Variants in MASP2 observed in about 807,000 individuals in gnomAD.
MASP2 encodes the protein mannan-binding lectin serine protease 2.
MASP2 carries 49 observed loss-of-function variants against 57.1 expected under a neutral mutation model. The ratio of observed to expected loss-of-function variants is 0.86; its 90% CI spans 0.68 to 1.09. The LOEUF (loss-of-function observed/expected upper bound fraction) is 1.09, where lower values mean the gene tolerates loss of function less well. Among genes scored for constraint, MASP2 ranks in the 50% least tolerant of loss-of-function variants. MASP2 has a pLI of 0.00. For synonymous variants in MASP2, 379 were observed against 340.8 expected (o/e 1.11, Z -1.24); for missense variants, 900 against 874.8 (o/e 1.03, Z -0.36).
intron 8 of MASP2, among the ~76,000 whole-genome samples, chr1:11,032,948 C>T (rs1643864546): frequency 6.6e-6 from 1 of 152,124 alleles, no homozygotes; most frequent in Non-Finnish European, 1.5e-5. Flanking sequence ...ATTATACTTG[C>T]ATATGGTGGT....
At chr1:11,039,825 T>A (rs1017769502) in intron 6 of MASP2, among the ~76,000 whole-genome samples, 6 of 144,946 alleles carry the variant, frequency 4.1e-5, no homozygotes, top group Non-Finnish European at 7.5e-5. Flanking sequence ...GAAGGATGGG[T>A]GGATGCAAGG....
chr1:11,045,335 G>C (rs764941508), intron 4 of MASP2, 73 bp downstream of exon 4: 9 of 1,604,748 alleles, frequency 5.6e-6, no homozygotes, highest in Non-Finnish European at 7.6e-6. Flanking sequence ...CCCCTGGGCA[G>C]AGCAGCAATG....
chr1:11,030,587 T>G, intron 9 of MASP2, 161 bp downstream of exon 9: 2 of 774,712 alleles, frequency 2.6e-6, no homozygotes, highest in Non-Finnish European at 3.9e-6. Flanking sequence ...AAATTGACAT[T>G]AAAGTCACTT....
At chr1:11,035,890 T>C (rs900245048) in intron 7 of MASP2, among the ~76,000 whole-genome samples, 5 of 62,644 alleles carry the variant, frequency 8.0e-5, no homozygotes, top group African/African-American at 3.8e-4. Flanking sequence ...AGTGAGACCC[T>C]GTCCAAAAAA....
chr1:11,043,525 G>A lies in MASP2; in HGVS notation c.555C>T (p.Ser185=), dbSNP rs78775425. The change falls in exon 5 of 11, where the codon TCC becomes TCT. Residue 185 remains serine (S), a synonymous_variant. Coordinates refer to ENST00000400897, the MANE Select transcript of MASP2 (RefSeq NM_006610.4). The part of the protein sequence containing the change: ...RNKRTCSALC[S]GQVFTQRSGE... Reference sequence around the variant, plus strand: ...CAGACCTCTGGGTGAAGACCTGGCCGGAGCACAGGGCTGGAAGGAGGGAAG... The same window carrying A: ...CAGACCTCTGGGTGAAGACCTGGCCAGAGCACAGGGCTGGAAGGAGGGAAG... The A allele has an allele frequency of 4.4e-3, 6,983 of 1,598,482 alleles. 259 individuals carry two copies. The African/African-American group carries it at 0.081, about 18-fold the overall frequency.
Position 11,034,715 on chromosome 1 carries a change from G to A in MASP2, c.1087+113C>T, listed in dbSNP as rs76678256. 2.3e-3 allele frequency: 1,395 copies of A among 605,550 alleles called. 19 individuals carry two copies. In the African/African-American group the frequency reaches 0.026, roughly 11 times the overall value. The allele number at this position is 605,550 out of a possible 1,614,324, so 37.5% of individuals were successfully genotyped here. On this transcript the variant is annotated intron_variant, in intron 8 of 10. Transcript: ENST00000400897. ...CCCTGTCTCAGAAAAAAAAAAAAAAGGGAAAGAAAAAAGAAAGTAAACAGA... is the reference window on the plus strand; with the variant it reads ...CCCTGTCTCAGAAAAAAAAAAAAAAAGGAAAGAAAAAAGAAAGTAAACAGA...
intron 3 of MASP2, 101 bp downstream of exon 3, chr1:11,046,455 A>G: frequency 1.5e-6 from 2 of 1,364,584 alleles, no homozygotes; most frequent in South Asian, 2.4e-5. Flanking sequence ...CTGCCCTGGG[A>G]AAGGTGGGGA....
At chr1:11,031,508 G>A in intron 8 of MASP2, among the ~76,000 whole-genome samples, 1 of 111,148 alleles carries the variant, frequency 9.0e-6, no homozygotes, top group Non-Finnish European at 1.7e-5. Context: ...CAGCCTGGGT[G>A]ACAGAGCAAG....
chr1:11,030,155 T>C (rs753720523), intron 10 of MASP2, 21 bp downstream of exon 10: 4 of 1,578,654 alleles, frequency 2.5e-6, no homozygotes, highest in Non-Finnish European at 3.5e-6. Context: ...TACCAGTCTC[T>C]TGTATAAATG....
intron 10 of MASP2, 128 bp from the exon 11 acceptor site, chr1:11,027,776 A>AC: frequency 2.2e-5 from 20 of 917,992 alleles, no homozygotes; most frequent in Admixed American, 2.9e-5. Flanking sequence ...TTGGTGGGTG[A>AC]CTACCTATAC....
chr1:11,042,109 A>G (rs954638800), intron 6 of MASP2, among the ~76,000 whole-genome samples: 1 of 146,520 alleles, frequency 6.8e-6, no homozygotes, highest in African/African-American at 2.5e-5. Flanking sequence ...GTGGGTGGCT[A>G]TATGGATAGC....
chr1:11,033,127 G>A (rs1314785556), intron 8 of MASP2, among the ~76,000 whole-genome samples: 2 of 150,756 alleles, frequency 1.3e-5, no homozygotes, highest in Admixed American at 6.6e-5. Flanking sequence ...GCGGGAGTTC[G>A]AGACCAGCCT....
In MASP2 at chr1:11,027,071, G is replaced by A. The variant is rs749013108; in HGVS notation, c.1875C>T (p.Gly625=). Residue 625 remains glycine (G), a synonymous_variant, in exon 11 of 11, where the codon GGC becomes GGT. Coordinates refer to ENST00000400897, the MANE Select transcript of MASP2 (RefSeq NM_006610.4). The part of the protein sequence containing the change: ...NMLCAGLESG[G]KDSCRGDSGG... ...CGCTGTCACCTCTGCAGCTGTCCTT[G>A]CCCCCACTTTCTAAGCCAGCACAAA... The A allele has an allele frequency of 5.6e-6, 9 of 1,593,982 alleles. No individual in the cohort carries two copies. The South Asian group carries it at 8.0e-5, about 14-fold the overall frequency.
At chr1:11,040,389 T>A (rs200915639) in intron 6 of MASP2, among the ~76,000 whole-genome samples, 1 of 151,402 alleles carries the variant, frequency 6.6e-6, no homozygotes, top group South Asian at 2.1e-4. Flanking sequence ...GACTTGCTTG[T>A]TCCAGGAGGC....
chr1:11,035,046 C>A, intron 7 of MASP2, 140 bp from the exon 8 acceptor site: 1 of 583,340 alleles, frequency 1.7e-6, no homozygotes. Context: ...TGACTAGTAT[C>A]TGCGTGTGCT....
chr1:11,045,000 A>G (rs760965249), intron 4 of MASP2: 2 of 1,584,428 alleles, frequency 1.3e-6, no homozygotes, highest in Non-Finnish European at 8.6e-7. Context: ...AGAGGGAGAA[A>G]CCGAGTCGGG....
At position 11,026,879 on chromosome 1, in the gene MASP2, C is replaced by T. The variant is rs777732467; in HGVS notation, c.*6G>A. ...AATGAAGAATCCTTGACTGCAGACA[C>T]GCAAGTTAAAAATCACTAATTATGT... On this transcript the variant is annotated 3_prime_UTR_variant, in exon 11 of 11. Transcript: ENST00000400897. 10 of 1,473,774 alleles carry T rather than the reference C, an allele frequency of 6.8e-6. No individual in the cohort carries two copies. The East Asian group carries it at 9.8e-5, about 14-fold the overall frequency. The allele number at this position is 1,473,774 out of a possible 1,614,324, so 91.3% of individuals were successfully genotyped here.
chr1:11,045,725 G>T (rs1450186235), intron 3 of MASP2, 186 bp from the exon 4 acceptor site: 6 of 616,366 alleles, frequency 9.7e-6, no homozygotes, highest in Admixed American at 3.0e-5. Context: ...TCCCAGCAGC[G>T]CTGGGAGAAA....
At chr1:11,035,262 G>GC (rs1643878829) in intron 7 of MASP2, among the ~76,000 whole-genome samples, 1 of 152,098 alleles carries the variant, frequency 6.6e-6, no homozygotes, top group Admixed American at 6.5e-5. Context: ...GGTGGCTCAT[G>GC]CCTGTAATCC....
Sources: allele counts gnomAD v4.1 joint callset (sites outside exome capture counted in the v4.1 genomes callset), GRCh38; gene constraint gnomAD v4.1.1; transcripts MANE v1.5; gene names NCBI Gene and HGNC (gene_info 2026-07-23, HGNC 2026-07-21).